Variants in MCF2L observed in about 807,000 individuals in gnomAD.
The protein encoded by MCF2L is MCF.2 cell line derived transforming sequence like.
A neutral mutation model predicts 153.4 loss-of-function variants in MCF2L; 97 were observed. The observed-to-expected ratio is 0.63, with a 90% CI of 0.54 to 0.75. The LOEUF (loss-of-function observed/expected upper bound fraction) is 0.75, where lower values mean the gene tolerates loss of function less well. MCF2L is among the 30% of genes least tolerant of loss of function. The pLI is 0.00. For missense variants in MCF2L, 1,347 were observed against 1,495.2 expected, an observed-to-expected ratio of 0.90 and a Z score of 1.64; for synonymous variants, 659 against 632.2, an observed-to-expected ratio of 1.04 and a Z score of -0.64.
intron 2 of MCF2L, among the ~76,000 whole-genome samples, chr13:112,923,420 C>G (rs533203764): frequency 6.6e-6 from 1 of 151,760 alleles, no homozygotes; most frequent in Non-Finnish European, 1.5e-5. Flanking sequence ...CCCGCCACCA[C>G]GCCTGGCTAA....
chr13:112,976,910 T>C (rs1257623702), intron 1 of MCF2L, among the ~76,000 whole-genome samples: 1 of 152,170 alleles, frequency 6.6e-6, no homozygotes, highest in Non-Finnish European at 1.5e-5. Context: ...TTCCCAGTGC[T>C]GCTGTCACTA....
At chr13:112,919,723 C>G (rs983914778) in intron 2 of MCF2L, among the ~76,000 whole-genome samples, 1 of 152,154 alleles carries the variant, frequency 6.6e-6, no homozygotes, top group South Asian at 2.1e-4. Context: ...GTTCTTCATA[C>G]CTACTAGACA....
intron 1 of MCF2L, among the ~76,000 whole-genome samples, chr13:113,004,815 G>C (rs1385537323): frequency 1.3e-5 from 2 of 152,378 alleles, no homozygotes; most frequent in Middle Eastern, 3.4e-3. Flanking sequence ...TGCTGCCTGG[G>C]CTTCACGTTG....
chr13:112,948,737 A>G (rs1247289361), intron 2 of MCF2L, among the ~76,000 whole-genome samples: 2 of 152,260 alleles, frequency 1.3e-5, no homozygotes, highest in East Asian at 1.9e-4. Context: ...AAAGAAAAGC[A>G]GAAGGAAGGA....
intron 2 of MCF2L, among the ~76,000 whole-genome samples, chr13:112,959,741 G>T (rs1251164919): frequency 6.6e-6 from 1 of 152,174 alleles, no homozygotes; most frequent in African/African-American, 2.4e-5. Context: ...TGAATTATTG[G>T]TAGCAACCCA....
upstream of MCF2L, chr13:112,965,960 G>C (rs117874227): frequency 1.3e-5 from 2 of 152,184 alleles, no homozygotes; most frequent in East Asian, 3.9e-4. Flanking sequence ...CACTACAGGC[G>C]TCCCCGATGC....
At chr13:112,962,940 T>C (rs1477638888) in intron 2 of MCF2L, among the ~76,000 whole-genome samples, 2 of 152,226 alleles carry the variant, frequency 1.3e-5, no homozygotes, top group Non-Finnish European at 2.9e-5. Context: ...TGACCAAGCA[T>C]CTGGCCTGTC....
At chr13:113,042,941 G>A (rs2086592762) in intron 3 of MCF2L, 1 of 152,236 alleles carries the variant, frequency 6.6e-6, no homozygotes, top group African/African-American at 2.4e-5. Context: ...CTCTATTCCA[G>A]GGAAAAGGGG....
chr13:113,047,875 A>G (rs796814638), intron 4 of MCF2L, among the ~76,000 whole-genome samples: 7 of 50,032 alleles, frequency 1.4e-4, no homozygotes, highest in Non-Finnish European at 3.1e-4. Flanking sequence ...CGTGCCCCAG[A>G]GCCTCCGCTG....
At chr13:113,004,333 T>C (rs1475703416) in intron 1 of MCF2L, among the ~76,000 whole-genome samples, 1 of 152,220 alleles carries the variant, frequency 6.6e-6, no homozygotes, top group Non-Finnish European at 1.5e-5. Context: ...GGCCTCTTGT[T>C]GAGCGCACCT....
At chr13:112,968,795 G>T (rs1025354940), upstream of MCF2L, 6 of 1,343,984 alleles carry the variant, frequency 4.5e-6, no homozygotes, top group South Asian at 3.7e-5. Context: ...GCGGCTGCCC[G>T]CAAACCAGGA....
intron 2 of MCF2L, among the ~76,000 whole-genome samples, chr13:112,923,736 G>A (rs2081376801): frequency 6.6e-6 from 1 of 152,162 alleles, no homozygotes; most frequent in African/African-American, 2.4e-5. Context: ...TGTTTTGTAT[G>A]TAGATCCAGA....
At chr13:112,896,806 C>T (rs2081072139) in intron 1 of MCF2L, among the ~76,000 whole-genome samples, 1 of 152,228 alleles carries the variant, frequency 6.6e-6, no homozygotes, top group East Asian at 1.9e-4. Flanking sequence ...TGACAGCATC[C>T]CTCTGGCATC....
chr13:112,944,434 T>A (rs1456846871), intron 2 of MCF2L, among the ~76,000 whole-genome samples: 2 of 152,010 alleles, frequency 1.3e-5, no homozygotes, highest in Admixed American at 1.3e-4. Context: ...AACACCTGGG[T>A]CTCTCTGTGG....
intron 27 of MCF2L, chr13:113,096,075 A>G: frequency 1.9e-6 from 1 of 523,314 alleles, no homozygotes. Context: ...GCCCTCCGGG[A>G]GGCGGGTATG....
At chr13:113,060,756 C>T in intron 5 of MCF2L, 44 bp downstream of exon 5, 2 of 1,604,400 alleles carry the variant, frequency 1.2e-6, no homozygotes, top group Non-Finnish European at 1.7e-6. Flanking sequence ...GAACGGAACT[C>T]ATTGCCGTCC....
rs1425761514 is a variant in MCF2L at position 112,960,214 on chromosome 13, A to G, written c.170-54549A>G. 6.6e-6 allele frequency among the ~76,000 whole-genome samples: 1 copy of G among 152,210 alleles called. No individual in the cohort carries two copies. Among genetic ancestry groups the G allele is most frequent in the African/African-American group, 2.4e-5 (1 of 41,450 alleles). ...TGGAAGCCCAAGATTGAGGGGCTGC[A>G]TCTGGTGAGGGCCCCTGAGCTGCGT... On this transcript the variant is annotated intron_variant, in intron 2 of 29. Coordinates refer to the MCF2L transcript ENST00000375608. The surrounding 1 kb of genome is among the most constrained non-coding windows in gnomAD (Gnocchi z 4.2).
chr13:112,948,987 G>A (rs1182590748), intron 2 of MCF2L, among the ~76,000 whole-genome samples: 1 of 152,228 alleles, frequency 6.6e-6, no homozygotes, highest in African/African-American at 2.4e-5. Context: ...GCCTGAACCT[G>A]GGAAGCGGAG....
chr13:112,941,393 T>C lies in MCF2L; in HGVS notation c.169+39022T>C, dbSNP rs1169070041. Among the ~76,000 whole-genome samples, 2 of 150,504 alleles carry C rather than the reference T, an allele frequency of 1.3e-5. No individual in the cohort carries two copies. Among genetic ancestry groups the C allele is most frequent in the Non-Finnish European group, 3.0e-5 (2 of 67,714 alleles). On this transcript the variant is annotated intron_variant, in intron 2 of 29. Transcript: ENST00000375608. The surrounding 1 kb of genome is among the most constrained non-coding windows in gnomAD (Gnocchi z 4.9). ...ATATATTTGAATATATTATATAATT[T>C]CTATTTGAAATAAAATTCCTTGTAC...
Sources: allele counts gnomAD v4.1 joint callset (sites outside exome capture counted in the v4.1 genomes callset), GRCh38; gene constraint gnomAD v4.1.1; non-coding constraint Gnocchi (gnomAD v3.1); transcripts MANE v1.5; gene names NCBI Gene and HGNC (gene_info 2026-07-23, HGNC 2026-07-21).